The following CRYM variants were observed in gnomAD, a reference collection of about 807,000 sequenced individuals.
The protein encoded by CRYM is ketimine reductase mu-crystallin.
CRYM carries 18 observed loss-of-function variants against 32.9 expected under a neutral mutation model. The observed-to-expected ratio is 0.55, with a 90% CI of 0.38 to 0.81. The LOEUF (loss-of-function observed/expected upper bound fraction) is 0.81, where lower values mean the gene tolerates loss of function less well. CRYM is among the 30% of genes least tolerant of loss of function. The pLI is 0.00. For missense variants in CRYM, 337 were observed against 393.5 expected (o/e 0.86, Z 1.21); for synonymous variants, 153 against 152.4 (o/e 1.00, Z -0.03).
intron 6 of CRYM, 133 bp from the exon 7 acceptor site, chr16:21,261,471 G>C: frequency 1.4e-6 from 1 of 707,208 alleles, no homozygotes; most frequent in East Asian, 2.7e-5. Context: ...AAAAGAGAGA[G>C]ATCCTTTGTA....
chr16:21,293,813 A>G (rs1412856418), intron 1 of CRYM, among the ~76,000 whole-genome samples: 2 of 152,330 alleles, frequency 1.3e-5, no homozygotes, highest in South Asian at 2.1e-4. Context: ...AACTAATCAA[A>G]ATATTACCAT....
chr16:21,285,295 C>T (rs2093405590), intron 1 of CRYM, among the ~76,000 whole-genome samples: 1 of 152,178 alleles, frequency 6.6e-6, no homozygotes, highest in South Asian at 2.1e-4. Context: ...GACTTTTATA[C>T]TAAATTTTGG....
intron 3 of CRYM, among the ~76,000 whole-genome samples, 171 bp downstream of exon 3, chr16:21,275,361 T>C (rs1322615551): frequency 5.9e-5 from 9 of 152,214 alleles, no homozygotes. Context: ...TGCACACTAA[T>C]TGGTAGCTAA....
chr16:21,270,111 T>G (rs2152862349), intron 3 of CRYM, among the ~76,000 whole-genome samples: 1 of 152,252 alleles, frequency 6.6e-6, no homozygotes, highest in South Asian at 2.1e-4. Flanking sequence ...TGCCAATGCT[T>G]TGCCCCCATG....
At chr16:21,293,379 A>G (rs968242954) in intron 1 of CRYM, among the ~76,000 whole-genome samples, 1 of 152,216 alleles carries the variant, frequency 6.6e-6, no homozygotes, top group South Asian at 2.1e-4. Flanking sequence ...GGAATCTCTC[A>G]TAGAGAGCAG....
chr16:21,266,859 T>C (rs999030607), intron 5 of CRYM, among the ~76,000 whole-genome samples: 3 of 151,684 alleles, frequency 2.0e-5, no homozygotes, highest in African/African-American at 7.3e-5. Flanking sequence ...TACAAAAAAT[T>C]AGCTGGGCAT....
chr16:21,264,102 T>C (rs1261999166), intron 5 of CRYM, among the ~76,000 whole-genome samples: 1 of 152,246 alleles, frequency 6.6e-6, no homozygotes, highest in Non-Finnish European at 1.5e-5. Context: ...TATGCCTTCT[T>C]CCACTGCCGC....
chr16:21,262,329 A>T (rs1416624414), intron 5 of CRYM, 171 bp from the exon 6 acceptor site: 3 of 740,316 alleles, frequency 4.1e-6, no homozygotes, highest in Non-Finnish European at 6.7e-6. Flanking sequence ...ATACTTATTA[A>T]GAAATAGGCC....
rs199720462 is a variant in CRYM at position 21,261,269 on chromosome 16, C to A, written c.865G>T (p.Val289Leu). 1 of 1,613,648 alleles carries A rather than the reference C, an allele frequency of 6.2e-7. No individual in the cohort carries two copies. Among genetic ancestry groups the A allele is most frequent in the Non-Finnish European group, 8.5e-7 (1 of 1,179,718 alleles). ...VKPAHCEKTT[V>L]FKSLGMAVED... ...TGGATCTTACCCAAAGACTTGAACA[C>A]GGTGGTCTTCTCACAGTGGGCTGGT... The change falls in exon 7 of 8, where the codon GTG (valine) becomes TTG (leucine). Residue 289 changes from valine (V) to leucine (L), a missense_variant. Physicochemically the swap from Val to Leu is conservative, Grantham distance 32. Coordinates refer to ENST00000572914, the MANE Select transcript of CRYM (RefSeq NM_001376256.1).
chr16:21,289,412 T>C (rs1960556478), intron 1 of CRYM, among the ~76,000 whole-genome samples: 2 of 152,232 alleles, frequency 1.3e-5, no homozygotes, highest in Admixed American at 6.5e-5. Flanking sequence ...TTGGTTACCG[T>C]TTGCATTGAA....
At chr16:21,292,802 T>C (rs1318129403) in intron 1 of CRYM, among the ~76,000 whole-genome samples, 1 of 152,108 alleles carries the variant, frequency 6.6e-6, no homozygotes, top group Non-Finnish European at 1.5e-5. Flanking sequence ...GTATGGCCAA[T>C]TGATTTTGGA....
intron 1 of CRYM, among the ~76,000 whole-genome samples, chr16:21,287,202 G>A (rs2093408909): frequency 6.6e-6 from 1 of 152,118 alleles, no homozygotes; most frequent in Non-Finnish European, 1.5e-5. Context: ...ACTGGTCACT[G>A]TAAAATAATA....
chr16:21,302,350 A>G (rs1210955835), intron 1 of CRYM, among the ~76,000 whole-genome samples: 2 of 152,254 alleles, frequency 1.3e-5, no homozygotes, highest in African/African-American at 4.8e-5. Flanking sequence ...TTACATTGCG[A>G]GAACATGTTA....
chr16:21,293,706 G>T (rs1960720561), intron 1 of CRYM, among the ~76,000 whole-genome samples: 1 of 152,162 alleles, frequency 6.6e-6, no homozygotes, highest in African/African-American at 2.4e-5. Context: ...TCACAGAATT[G>T]AGTCGCTTCA....
chr16:21,280,086 C>T (rs932264797), upstream of CRYM, among the ~76,000 whole-genome samples: 1 of 152,126 alleles, frequency 6.6e-6, no homozygotes, highest in African/African-American at 2.4e-5. Flanking sequence ...GTTTAGAAAG[C>T]ACAGACATAT....
chr16:21,269,844 C>A lies in CRYM; in HGVS notation c.435G>T (p.Gly145=), dbSNP rs752409163. 34 of 1,612,162 alleles carry A rather than the reference C, an allele frequency of 2.1e-5. No homozygotes were observed. Among genetic ancestry groups the A allele is most frequent in the Non-Finnish European group, 2.9e-5 (34 of 1,179,534 alleles). Reference sequence around the variant, plus strand: ...TCTCATAATGGCTGTAGGCCTGGACCCCAGCCCCAAGGATGCACAGCACTT... The same window carrying A: ...TCTCATAATGGCTGTAGGCCTGGACACCAGCCCCAAGGATGCACAGCACTT... ...SSEVLCILGA[G]VQAYSHYEIF... The change falls in exon 4 of 8, where the codon GGG becomes GGT. Residue 145 remains glycine (G), a synonymous_variant. Transcript: ENST00000572914.
intron 4 of CRYM, 57 bp downstream of exon 4, chr16:21,269,733 G>A (rs2093371034): frequency 9.0e-7 from 1 of 1,114,896 alleles, no homozygotes; most frequent in Non-Finnish European, 1.4e-6. Flanking sequence ...AAGCAGTATA[G>A]ACAGGTCAAG....
At chr16:21,289,943 C>A (rs949321414) in intron 1 of CRYM, among the ~76,000 whole-genome samples, 3 of 151,864 alleles carry the variant, frequency 2.0e-5, no homozygotes, top group Non-Finnish European at 4.4e-5. Flanking sequence ...TGTAAAATTG[C>A]ACCAATCAGC....
At chr16:21,270,010 G>C (rs2152862340) in intron 3 of CRYM, 119 bp from the exon 4 acceptor site, 1 of 727,590 alleles carries the variant, frequency 1.4e-6, no homozygotes, top group African/African-American at 1.7e-5. Flanking sequence ...TCAAGAGCTT[G>C]CAGGCAATCA....
Sources: allele counts gnomAD v4.1 joint callset (sites outside exome capture counted in the v4.1 genomes callset), GRCh38; gene constraint gnomAD v4.1.1; transcripts MANE v1.5; gene names NCBI Gene and HGNC (gene_info 2026-07-23, HGNC 2026-07-21).